DOK7: variants seen among roughly 807,000 people sequenced by gnomAD.
DOK7 encodes the protein docking protein 7, also known as protein Dok-7.
A neutral mutation model predicts 30.7 loss-of-function variants in DOK7; 32 were observed. The observed-to-expected ratio is 1.04, with a 90% CI of 0.79 to 1.40. The LOEUF is 1.40. DOK7 is among the 40% of genes most tolerant of loss of function. DOK7 has a pLI of 0.00. For missense variants in DOK7, 1,007 were observed against 699.2 expected (o/e 1.44, Z -4.97); for synonymous variants, 447 against 324.1 (o/e 1.38, Z -4.07).
intron 2 of DOK7, among the ~76,000 whole-genome samples, chr4:3,472,406 TTGTA>T (rs1485299881): frequency 6.6e-6 from 1 of 152,198 alleles, no homozygotes; most frequent in East Asian, 1.9e-4. Context: ...TTTGGGGTGT[TTGTA>T]TGAGGTCCCA....
intron 2 of DOK7, among the ~76,000 whole-genome samples, chr4:3,468,768 G>GTC (rs1726524358): frequency 6.7e-6 from 1 of 149,968 alleles, no homozygotes; most frequent in Non-Finnish European, 1.5e-5. Context: ...GTGTGTGTGT[G>GTC]CATGTATGTG....
At chr4:3,479,702 C>T (rs982034829) in intron 4 of DOK7, among the ~76,000 whole-genome samples, 3 of 152,300 alleles carry the variant, frequency 2.0e-5, no homozygotes, top group Admixed American at 6.5e-5. Context: ...CTGTGCATCA[C>T]GGGGGCCCTG....
At chr4:3,500,488 C>A (rs377721205) in intron 7 of DOK7, 5 of 1,502,360 alleles carry the variant, frequency 3.3e-6, no homozygotes, top group Non-Finnish European at 4.4e-6. Flanking sequence ...CCCCACCCAG[C>A]AGCCCTTGGC....
rs759723884 is a variant in DOK7, at chr4:3,476,455, A to G, written c.445A>G (p.Thr149Ala). The G allele has an allele frequency of 1.2e-6, 2 of 1,613,664 alleles. No individual in the cohort carries two copies. The highest frequency in any genetic ancestry group is 1.7e-6 in the Non-Finnish European group (2 of 1,180,008). ...VLARDIPPAV[T>A]GQWKLSDLRR... Reference sequence around the variant, plus strand: ...GGCCAGGGACATCCCCCCGGCTGTCACGGGGCAGTGGAAGCTGTCTGACCT... The same window carrying G: ...GGCCAGGGACATCCCCCCGGCTGTCGCGGGGCAGTGGAAGCTGTCTGACCT... The change falls in exon 4 of 7, where the codon ACG becomes GCG. Residue 149 changes from threonine (T) to alanine (A), a missense_variant. Transcript: ENST00000340083.
chr4:3,490,405 TCACC>T (rs1373481392), intron 6 of DOK7, among the ~76,000 whole-genome samples: 1 of 56,936 alleles, frequency 1.8e-5, no homozygotes, highest in Non-Finnish European at 3.4e-5. Context: ...AGTCCTTCTT[TCACC>T]CCCCCCACCG....
At chr4:3,479,903 C>T (rs75765232) in intron 4 of DOK7, among the ~76,000 whole-genome samples, 18,301 of 152,210 alleles carry the variant, frequency 0.12, 1,388 homozygotes, top group South Asian at 0.28. Context: ...GAGCTTGGCC[C>T]GAGCGCACTT....
chr4:3,463,576 G>C (rs1726098427), intron 2 of DOK7, 25 bp downstream of exon 2: 1 of 1,520,982 alleles, frequency 6.6e-7, no homozygotes, highest in African/African-American at 1.4e-5. Context: ...CGGGGGACGG[G>C]GGGCGCGGGG....
At chr4:3,471,021 C>T (rs985170843) in intron 2 of DOK7, among the ~76,000 whole-genome samples, 4 of 152,222 alleles carry the variant, frequency 2.6e-5, no homozygotes, top group Non-Finnish European at 4.4e-5. Flanking sequence ...CACCAAGGCT[C>T]CGAGGAAGCT....
intron 4 of DOK7, chr4:3,484,407 C>T (rs140006372): frequency 0.041 from 31,742 of 781,226 alleles, 754 homozygotes; most frequent in Non-Finnish European, 0.045. Context: ...CCCTTCCCCC[C>T]AACTCCTGCC....
intron 6 of DOK7, among the ~76,000 whole-genome samples, chr4:3,491,127 C>T (rs1488702400): frequency 3.6e-5 from 4 of 111,068 alleles, no homozygotes; most frequent in South Asian, 3.7e-4. Flanking sequence ...CTCGTTCATT[C>T]GTTTCTCCCT....
chr4:3,473,460 G>C lies in DOK7; in HGVS notation c.155G>C (p.Arg52Pro). Residue 52 changes from arginine to proline, a missense_variant, in exon 3 of 7, where the codon CGG (arginine) becomes CCG (proline). Coordinates refer to ENST00000340083, the MANE Select transcript of DOK7 (RefSeq NM_173660.5). ...AAGTCGGAGCGTATCAAGGGCCTGCGGGAGCGCAGCAGCCTGACGCTAGAG... is the reference window on the plus strand; with the variant it reads ...AAGTCGGAGCGTATCAAGGGCCTGCCGGAGCGCAGCAGCCTGACGCTAGAG... ...KDKSERIKGL[R>P]ERSSLTLEDI... The C allele has an allele frequency of 6.2e-7, 1 of 1,611,122 alleles. No homozygotes were observed. Among genetic ancestry groups the C allele is most frequent in the Admixed American group, 1.7e-5 (1 of 60,024 alleles).
intron 4 of DOK7, among the ~76,000 whole-genome samples, chr4:3,478,149 C>G (rs1179510882): frequency 1.3e-5 from 2 of 152,212 alleles, no homozygotes; most frequent in African/African-American, 4.8e-5. Context: ...CACGGGCAGG[C>G]AGCCGGCCGG....
intron 2 of DOK7, among the ~76,000 whole-genome samples, chr4:3,471,363 T>G (rs1332817659): frequency 6.6e-6 from 1 of 152,204 alleles, no homozygotes; most frequent in Admixed American, 6.5e-5. Context: ...AGAGCAGGGA[T>G]TCCCAGGGGC....
chr4:3,492,671 TGGCCTGTGGG>T, intron 6 of DOK7, 78 bp from the exon 7 acceptor site: 1 of 1,566,476 alleles, frequency 6.4e-7, no homozygotes, highest in Non-Finnish European at 8.7e-7. Flanking sequence ...CAGAGAGTGC[TGGCCTGTGGG>T]GGTCCACCAG....
intron 4 of DOK7, 81 bp downstream of exon 4, chr4:3,476,623 A>G: frequency 6.4e-7 from 1 of 1,570,512 alleles, no homozygotes. Context: ...GGGCCGGCCG[A>G]CCCCACTTGC....
In DOK7 at chr4:3,493,231, TAG is replaced by T; in HGVS notation, c.1249_1250del (p.Asp417ProfsTer101). 6.2e-7 allele frequency: 1 copy of T among 1,612,044 alleles called. No homozygotes were observed. The highest frequency in any genetic ancestry group is 8.5e-7 in the Non-Finnish European group (1 of 1,179,692). On this transcript the variant is annotated frameshift_variant, in exon 7 of 7. Coordinates refer to ENST00000340083, the MANE Select transcript of DOK7 (RefSeq NM_173660.5). LOFTEE classifies it low-confidence loss of function (END_TRUNC). Reference sequence around the variant, plus strand: ...CACCACGCAGCCTTTGCCTGGCTCCTAGAGACCACAGCCCCCCCTCACAGGGC... The same window carrying T: ...CACCACGCAGCCTTTGCCTGGCTCCTAGACCACAGCCCCCCCTCACAGGGC... ...DTPRSLCLAP[R>X]DHSPPSQGSP...
intron 2 of DOK7, among the ~76,000 whole-genome samples, chr4:3,465,446 A>T (rs1301044376): frequency 2.0e-5 from 3 of 152,074 alleles, no homozygotes; most frequent in African/African-American, 7.2e-5. Flanking sequence ...GACAGCACAG[A>T]CCCTGCGCTC....
At chr4:3,478,987 G>A (rs1470158351) in intron 4 of DOK7, among the ~76,000 whole-genome samples, 1 of 152,208 alleles carries the variant, frequency 6.6e-6, no homozygotes, top group Admixed American at 6.5e-5. Context: ...TGGTCCAGGG[G>A]CAGCGGCATC....
chr4:3,498,726 C>G (rs2858034), downstream of DOK7, among the ~76,000 whole-genome samples: 84,619 of 152,184 alleles, frequency 0.56, 24,558 homozygotes, highest in East Asian at 0.92. Flanking sequence ...GCCTGGGCAC[C>G]AGAACTTGGC....
Sources: gnomAD v4.1 joint callset for allele counts (sites outside exome capture counted in the v4.1 genomes callset) on GRCh38, gnomAD v4.1.1 for gene constraint, MANE v1.5 for transcripts, NCBI Gene and HGNC (gene_info 2026-07-23, HGNC 2026-07-21) for gene names.